Variants in GPALPP1 observed in about 807,000 individuals in gnomAD.
The protein encoded by GPALPP1 is GPALPP motifs-containing protein 1.
In GPALPP1, 30 loss-of-function variants were observed where a neutral mutation model predicts 38.9. The observed-to-expected ratio is 0.77, with a 90% confidence interval of 0.58 to 1.05. The LOEUF is 1.05. GPALPP1 is among the 50% of genes least tolerant of loss of function. The pLI is 0.00. For missense variants in GPALPP1, 384 were observed against 408.8 expected, an observed-to-expected ratio of 0.94 and a Z score of 0.52; for synonymous variants, 120 against 139.2, an observed-to-expected ratio of 0.86 and a Z score of 0.97.
chr13:45,020,437 G>A lies in GPALPP1; in HGVS notation c.804+9G>A. 9.0e-7 allele frequency: 1 copy of A among 1,117,224 alleles called. No homozygotes were observed. Among genetic ancestry groups the A allele is most frequent in the South Asian group, 1.2e-5 (1 of 80,522 alleles). The allele number at this position is 1,117,224 out of a possible 1,614,324, so 69.2% of individuals were successfully genotyped here. A position where few individuals can be genotyped will look rare whatever the true frequency, so the allele number is the denominator to read the frequency against. On this transcript the variant is annotated intron_variant, in intron 7 of 7. Coordinates refer to ENST00000379151, the MANE Select transcript of GPALPP1 (RefSeq NM_018559.5). ...AGGTATCTTCATACAATGTAAGTAAGAAAATAAGATATATAGAGCCAGGTG... is the reference window on the plus strand; with the variant it reads ...AGGTATCTTCATACAATGTAAGTAAAAAAATAAGATATATAGAGCCAGGTG...
chr13:45,033,274 C>T, downstream of GPALPP1: 1 of 152,130 alleles, frequency 6.6e-6, no homozygotes, highest in East Asian at 1.9e-4. Flanking sequence ...TCTTGAGTTA[C>T]ACCTAAGAGG....
chr13:45,003,518 G>A (rs902981447), intron 1 of GPALPP1, among the ~76,000 whole-genome samples: 1 of 152,184 alleles, frequency 6.6e-6, no homozygotes, highest in Non-Finnish European at 1.5e-5. Context: ...TAGGGAGTCT[G>A]ATAAATATCC....
In GPALPP1 at chr13:45,028,598, T is replaced by TA. The variant is rs779298356; in HGVS notation, c.*596dup. ...GCTTAAGATGGTGAGACCCCGTATCTACAAAAAACTAACCAGGTGCAGTGG... is the reference window on the plus strand; with the variant it reads ...GCTTAAGATGGTGAGACCCCGTATCTAACAAAAAACTAACCAGGTGCAGTGG... On this transcript the variant is annotated 3_prime_UTR_variant, in exon 8 of 8. Coordinates refer to ENST00000379151, the MANE Select transcript of GPALPP1 (RefSeq NM_018559.5). The TA allele has an allele frequency of 6.6e-6, 1 of 152,206 alleles. No individual in the cohort carries two copies. The highest frequency in any genetic ancestry group is 1.5e-5 in the Non-Finnish European group (1 of 68,234). The allele number at this position is 152,206 out of a possible 1,614,324, so 9.4% of individuals were successfully genotyped here.
intron 1 of GPALPP1, among the ~76,000 whole-genome samples, chr13:45,000,778 A>G (rs1873617308): frequency 6.6e-6 from 1 of 152,246 alleles, no homozygotes; most frequent in Non-Finnish European, 1.5e-5. Flanking sequence ...GGGAACACTT[A>G]CATACTAAGA....
At chr13:45,027,743 T>G (rs759693605) in intron 7 of GPALPP1, 42 bp from the exon 8 acceptor site, 1 of 925,890 alleles carries the variant, frequency 1.1e-6, no homozygotes, top group South Asian at 1.4e-5. Flanking sequence ...ATAATCTATA[T>G]ACAAACTATA....
rs114701884 is a variant in GPALPP1 at position 45,022,497 on chromosome 13, G to A, written c.804+2069G>A. 3.0e-3 allele frequency among the ~76,000 whole-genome samples: 454 copies of A among 152,154 alleles called. 3 individuals are homozygous for A. The highest frequency in any genetic ancestry group is 0.01 in the African/African-American group (432 of 41,520). On this transcript the variant is annotated intron_variant, in intron 7 of 7. Transcript: ENST00000379151. ...GGTATTTAGGGGGACATGTAGTGAT[G>A]TTTACAGTTTACTTTAAAATGCATC...
At chr13:45,019,586 T>C (rs1875238219) in intron 6 of GPALPP1, among the ~76,000 whole-genome samples, 2 of 151,754 alleles carry the variant, frequency 1.3e-5, no homozygotes, top group South Asian at 4.2e-4. Flanking sequence ...CTAGGATCTG[T>C]GAATAAACAC....
Position 45,026,384 on chromosome 13 carries a change from A to G in GPALPP1, c.805-1401A>G, listed in dbSNP as rs906404187. On this transcript the variant is annotated intron_variant, in intron 7 of 7. Transcript: ENST00000379151. ...GGCTGTCACATAATCTAATTGACAAAGTCATTTCTGGTTGTCAGATCAGCC... is the reference window on the plus strand; with the variant it reads ...GGCTGTCACATAATCTAATTGACAAGGTCATTTCTGGTTGTCAGATCAGCC... 2.2e-4 allele frequency among the ~76,000 whole-genome samples: 34 copies of G among 152,212 alleles called. 1 individual carries two copies. The highest frequency in any genetic ancestry group is 2.9e-4 in the Non-Finnish European group (20 of 68,038).
At chr13:44,995,202 A>ACACCCC (rs755761092) in intron 1 of GPALPP1, among the ~76,000 whole-genome samples, 1 of 54,474 alleles carries the variant, frequency 1.8e-5, no homozygotes, top group African/African-American at 3.7e-5. Flanking sequence ...ACACACACAC[A>ACACCCC]CCCCTTCTCT....
chr13:45,017,748 A>G (rs775950063), intron 6 of GPALPP1, among the ~76,000 whole-genome samples: 1 of 152,222 alleles, frequency 6.6e-6, no homozygotes, highest in Non-Finnish European at 1.5e-5. Context: ...TTTAATCCCT[A>G]TGACTGAGTT....
At chr13:45,019,943 G>A (rs1343791838) in intron 6 of GPALPP1, among the ~76,000 whole-genome samples, 2 of 133,950 alleles carry the variant, frequency 1.5e-5, no homozygotes, top group African/African-American at 2.8e-5. Context: ...GGGGTGCAGT[G>A]GAACGATTTC....
chr13:45,035,301 AG>A (rs1359507832), downstream of GPALPP1: 1 of 152,214 alleles, frequency 6.6e-6, no homozygotes, highest in Non-Finnish European at 1.5e-5. Context: ...ATGACATTGG[AG>A]TTGGCCAGAT....
chr13:45,019,101 A>ATATT lies in GPALPP1; in HGVS notation c.706-1226_706-1225insTTAT, dbSNP rs1246248311. Reference sequence around the variant, plus strand: ...CATATAAATATATGTATATATATTTATATATATTTATATGTATATATATTT... The same window carrying ATATT: ...CATATAAATATATGTATATATATTTATATTTATATATTTATATGTATATATATTT... On this transcript the variant is annotated intron_variant, in intron 6 of 7. Coordinates refer to ENST00000379151, the MANE Select transcript of GPALPP1 (RefSeq NM_018559.5). 1.2e-4 allele frequency among the ~76,000 whole-genome samples: 16 copies of ATATT among 133,270 alleles called. No individual in the cohort carries two copies. In the South Asian group the frequency reaches 2.5e-3, roughly 21 times the overall value. 87.4% of individuals were successfully genotyped at this position (133,270 alleles called of 152,430 possible).
In GPALPP1 at chr13:45,028,038, GA is replaced by G; in HGVS notation, c.*36del. ...TTTCAGTGAGGTATATTTTAATACT[GA>G]TCAATGTGAACTTTTCTAAATACTC... On this transcript the variant is annotated 3_prime_UTR_variant, in exon 8 of 8. Coordinates refer to ENST00000379151, the MANE Select transcript of GPALPP1 (RefSeq NM_018559.5). The G allele has an allele frequency of 9.5e-7, 1 of 1,047,494 alleles. No individual in the cohort carries two copies. Among genetic ancestry groups the G allele is most frequent in the Non-Finnish European group, 1.5e-6 (1 of 682,952 alleles). The allele number at this position is 1,047,494 out of a possible 1,614,324, so 64.9% of individuals were successfully genotyped here. A position where few individuals can be genotyped will look rare whatever the true frequency, so the allele number is the denominator to read the frequency against.
intron 2 of GPALPP1, among the ~76,000 whole-genome samples, chr13:45,005,976 A>G (rs1203221680): frequency 6.6e-6 from 1 of 152,108 alleles, no homozygotes; most frequent in Non-Finnish European, 1.5e-5. Context: ...CAGTGAGCCA[A>G]CATCACGCCA....
intron 3 of GPALPP1, among the ~76,000 whole-genome samples, chr13:45,007,893 C>CT (rs1295122586): frequency 4.1e-4 from 62 of 152,058 alleles, no homozygotes; most frequent in African/African-American, 1.5e-3. Flanking sequence ...TTATTTTTAT[C>CT]TTTTTAATTT....
chr13:45,004,245 G>A, intron 1 of GPALPP1, 60 bp from the exon 2 acceptor site: 4 of 1,422,818 alleles, frequency 2.8e-6, no homozygotes, highest in Non-Finnish European at 3.9e-6. Flanking sequence ...AAAAATATCA[G>A]CTAGAAGGGT....
chr13:45,018,946 T>TATATACATATAAATGTATAA (rs1875086246), intron 6 of GPALPP1, among the ~76,000 whole-genome samples: 1 of 118,476 alleles, frequency 8.4e-6, no homozygotes, highest in Non-Finnish European at 1.6e-5. Context: ...TACATATAAA[T>TATATACATATAAATGTATAA]ATATATACAT....
rs199947215 is a variant in GPALPP1 at position 45,015,861 on chromosome 13, G to A, written c.705+265G>A. On this transcript the variant is annotated intron_variant, in intron 6 of 7. Transcript: ENST00000379151. Reference sequence around the variant, plus strand: ...GTATAATGGCCTTATTTTATAGATGGAGAAACTATCCTCTATGAGGTCAAC... The same window carrying A: ...GTATAATGGCCTTATTTTATAGATGAAGAAACTATCCTCTATGAGGTCAAC... Among the ~76,000 whole-genome samples the A allele has an allele frequency of 7.2e-5, 11 of 152,164 alleles. No homozygotes were observed. In the East Asian group the frequency reaches 2.1e-3, roughly 29 times the overall value.
Sources: allele counts gnomAD v4.1 joint callset (sites outside exome capture counted in the v4.1 genomes callset), GRCh38; gene constraint gnomAD v4.1.1; transcripts MANE v1.5; gene names NCBI Gene and HGNC (gene_info 2026-07-23, HGNC 2026-07-21).